NFATC2: variants seen among roughly 807,000 people sequenced by gnomAD.
NFATC2 encodes the protein nuclear factor of activated T-cells, cytoplasmic 2.
In NFATC2, 22 loss-of-function variants were observed where a neutral mutation model predicts 87.3. That is an observed-to-expected ratio of 0.25 (90% CI 0.18 to 0.36). The LOEUF is 0.36. Among genes scored for constraint, NFATC2 ranks in the 10% least tolerant of loss-of-function variants. The pLI, the probability that NFATC2 is intolerant of heterozygous loss-of-function variation, is 1.00. For missense variants in NFATC2, 1,149 were observed against 1,259.1 expected (o/e 0.91, Z 1.32); for synonymous variants, 565 against 542.2 (o/e 1.04, Z -0.58).
At chr20:51,420,075 T>C (rs959471948) in intron 9 of NFATC2, among the ~76,000 whole-genome samples, 8 of 150,260 alleles carry the variant, frequency 5.3e-5, no homozygotes, top group African/African-American at 1.7e-4. Flanking sequence ...AAGATATTAA[T>C]GAACCAACCC....
chr20:51,394,727 G>A (rs1036265535), intron 10 of NFATC2, among the ~76,000 whole-genome samples: 1 of 152,154 alleles, frequency 6.6e-6, no homozygotes. Flanking sequence ...TCCCCAAGTC[G>A]GCCTCTGAGG....
chr20:51,507,276 C>T (rs1046652614), intron 3 of NFATC2, among the ~76,000 whole-genome samples: 1 of 152,148 alleles, frequency 6.6e-6, no homozygotes, highest in Non-Finnish European at 1.5e-5. Context: ...ATAGCAGCCC[C>T]GACTCACCAT....
chr20:51,493,788 A>G (rs1266944463), intron 3 of NFATC2, among the ~76,000 whole-genome samples: 1 of 152,134 alleles, frequency 6.6e-6, no homozygotes, highest in African/African-American at 2.4e-5. Flanking sequence ...CCATGTCCCC[A>G]GAGAGCTGCT....
At chr20:51,493,697 GC>G (rs1568686419) in intron 3 of NFATC2, among the ~76,000 whole-genome samples, 1 of 152,174 alleles carries the variant, frequency 6.6e-6, no homozygotes, top group Non-Finnish European at 1.5e-5. Context: ...GGCGGGGCAT[GC>G]TGAGAGACAG....
chr20:51,513,063 T>A (rs141718203), intron 3 of NFATC2, among the ~76,000 whole-genome samples: 1 of 152,342 alleles, frequency 6.6e-6, no homozygotes, highest in East Asian at 1.9e-4. Context: ...AAATCAGTAA[T>A]TAGCATGACT....
At chr20:51,556,713 GT>G (rs11475321) in intron 1 of NFATC2, among the ~76,000 whole-genome samples, 125,773 of 152,122 alleles carry the variant, frequency 0.83, 52,768 homozygotes, top group Middle Eastern at 0.94. Flanking sequence ...AACAGTGCCC[GT>G]TGAGGAGGAG....
intron 3 of NFATC2, among the ~76,000 whole-genome samples, chr20:51,484,928 C>T (rs1989580526): frequency 2.0e-5 from 3 of 152,226 alleles, no homozygotes; most frequent in Non-Finnish European, 4.4e-5. Flanking sequence ...TTTGAAATTA[C>T]ACAGGGAACC....
intron 9 of NFATC2, among the ~76,000 whole-genome samples, chr20:51,406,473 G>A (rs1978337390): frequency 6.6e-6 from 1 of 152,192 alleles, no homozygotes; most frequent in South Asian, 2.1e-4. Context: ...GGCCCCCTCG[G>A]GACCACTATG....
intron 1 of NFATC2, among the ~76,000 whole-genome samples, chr20:51,529,095 A>G (rs2076591827): frequency 1.3e-5 from 2 of 152,232 alleles, no homozygotes; most frequent in South Asian, 4.1e-4. Flanking sequence ...ATGGCCGACA[A>G]CATTCTGAGA....
chr20:51,531,691 G>A (rs187255805), intron 1 of NFATC2, among the ~76,000 whole-genome samples: 140 of 152,314 alleles, frequency 9.2e-4, no homozygotes, highest in Non-Finnish European at 1.5e-3. Context: ...AAGCCTGTCG[G>A]TTTCCCTAAC....
intron 10 of NFATC2, among the ~76,000 whole-genome samples, chr20:51,397,772 A>G (rs924061597): frequency 1.3e-5 from 2 of 152,112 alleles, no homozygotes; most frequent in African/African-American, 4.8e-5. Flanking sequence ...ATGCTTCTCA[A>G]GCGTCAGCTC....
intron 1 of NFATC2, among the ~76,000 whole-genome samples, chr20:51,534,482 C>G (rs2076687147): frequency 6.6e-6 from 1 of 152,120 alleles, no homozygotes; most frequent in South Asian, 2.1e-4. Flanking sequence ...TTACAGGTGC[C>G]TGCCACCATG....
chr20:51,544,075 C>T (rs2076867170), upstream of NFATC2, among the ~76,000 whole-genome samples: 1 of 140,042 alleles, frequency 7.1e-6, no homozygotes, highest in African/African-American at 2.7e-5. Context: ...GCAAGCTCTG[C>T]CTTCTGGGTT....
rs1272839128 is a variant in NFATC2 at position 51,501,731 on chromosome 20, T to C, written c.1332+15053A>G. On this transcript the variant is annotated intron_variant, in intron 3 of 10. Coordinates refer to ENST00000371564, the MANE Select transcript of NFATC2 (RefSeq NM_012340.5). The stretch of plus-strand genomic sequence containing the variant: ...AGATTGTGGAATTACTGATTTGTTA[T>C]AGGTCTCCCTCCACCAGAAGCCCAC... Among the ~76,000 whole-genome samples, 7 of 152,344 alleles carry C rather than the reference T, an allele frequency of 4.6e-5. No homozygotes were observed. In the East Asian group the frequency reaches 1.3e-3, roughly 29 times the overall value.
rs1986273373 is a variant in NFATC2 at position 51,391,187 on chromosome 20, A to G, written c.*309T>C. The G allele has an allele frequency of 1.4e-6, 1 of 696,452 alleles. No homozygotes were observed. The highest frequency in any genetic ancestry group is 2.7e-5 in the East Asian group (1 of 36,610). The allele number at this position is 696,452 out of a possible 1,614,324, so 43.1% of individuals were successfully genotyped here. A position where few individuals can be genotyped will look rare whatever the true frequency, so the allele number is the denominator to read the frequency against. ...AAGATCAACCAGGATGCTCTCTGGG[A>G]TTTAAAACATAAACCGAAAAGAAGA... On this transcript the variant is annotated 3_prime_UTR_variant, in exon 11 of 11. Coordinates refer to ENST00000371564, the MANE Select transcript of NFATC2 (RefSeq NM_012340.5).
Position 51,391,116 on chromosome 20 carries a change from T to G in NFATC2, c.*380A>C. 1.7e-6 allele frequency: 1 copy of G among 574,662 alleles called. No individual in the cohort carries two copies. Among genetic ancestry groups the G allele is most frequent in the Admixed American group, 2.3e-5 (1 of 44,428 alleles). 35.6% of individuals were successfully genotyped at this position (574,662 alleles called of 1,614,324 possible). ...TTCCAGTGTCCTGTCTCATGTAGAA[T>G]GTGCTTTTGGTCAGCAGGTGCTTAC... is the stretch of plus-strand genomic sequence containing the variant. On this transcript the variant is annotated 3_prime_UTR_variant, in exon 11 of 11. Transcript: ENST00000371564.
chr20:51,555,320 G>A (rs2076968262), intron 1 of NFATC2, among the ~76,000 whole-genome samples: 1 of 152,148 alleles, frequency 6.6e-6, no homozygotes, highest in Non-Finnish European at 1.5e-5. Context: ...TGGGCCGGGT[G>A]CGGTGGCTCA....
chr20:51,479,224 A>T (rs1266092572), intron 3 of NFATC2, among the ~76,000 whole-genome samples: 1 of 152,104 alleles, frequency 6.6e-6, no homozygotes, highest in African/African-American at 2.4e-5. Flanking sequence ...TTTGCTGAAC[A>T]CCTCTCTCTC....
upstream of NFATC2, among the ~76,000 whole-genome samples, chr20:51,544,643 T>C (rs561559997): frequency 1.3e-5 from 2 of 152,328 alleles, no homozygotes; most frequent in African/African-American, 4.8e-5. Context: ...GTTTTCAAAA[T>C]TGCACTCAGA....
Sources: gnomAD v4.1 joint callset for allele counts (sites outside exome capture counted in the v4.1 genomes callset) on GRCh38, gnomAD v4.1.1 for gene constraint, MANE v1.5 for transcripts, NCBI Gene and HGNC (gene_info 2026-07-23, HGNC 2026-07-21) for gene names.